The following GALNT13 variants were observed in gnomAD, a reference collection of about 807,000 sequenced individuals.
GALNT13 encodes UDP-GalNAc:polypeptide N-acetylgalactosaminyltransferase 13.
Under a neutral mutation model 64.2 loss-of-function variants are expected in GALNT13, and 28 were observed. The observed-to-expected ratio is 0.44, with a 90% CI of 0.32 to 0.60. The LOEUF (loss-of-function observed/expected upper bound fraction) is 0.60, where lower values mean the gene tolerates loss of function less well. Among genes scored for constraint, GALNT13 ranks in the 20% least tolerant of loss-of-function variants. GALNT13 has a pLI of 0.05. For synonymous variants in GALNT13, 214 were observed against 224.6 expected, an observed-to-expected ratio of 0.95 and a Z score of 0.42; for missense variants, 577 against 669.8, an observed-to-expected ratio of 0.86 and a Z score of 1.53.
Position 154,032,469 on chromosome 2 carries a change from C to T in GALNT13, c.142+87830C>T, listed in dbSNP as rs181061305. On this transcript the variant is annotated intron_variant, in intron 3 of 12. Transcript: ENST00000392825. ...CATCACCAAGAAAAGAAATTGCCAA[C>T]CAACACACCAATACCTCTCATGAAT... is the stretch of plus-strand genomic sequence containing the variant. 1.0e-3 allele frequency among the ~76,000 whole-genome samples: 155 copies of T among 151,792 alleles called. 1 individual carries two copies. Among genetic ancestry groups the T allele is most frequent in the African/African-American group, 3.5e-3 (146 of 41,442 alleles).
At chr2:154,009,501 C>CTT (rs34094447) in intron 3 of GALNT13, among the ~76,000 whole-genome samples, 1,616 of 142,304 alleles carry the variant, frequency 0.011, 39 homozygotes, top group African/African-American at 0.035. Flanking sequence ...GGTGTTATGG[C>CTT]TTTTTTTTTT....
the GALNT13 span, among the ~76,000 whole-genome samples, chr2:153,220,603 T>C: frequency 6.6e-6 from 1 of 152,166 alleles, no homozygotes; most frequent in African/African-American, 2.4e-5. Context: ...CCAGCATATA[T>C]AATCCTAGGT....
chr2:154,384,923 T>A (rs1454301009), intron 9 of GALNT13, among the ~76,000 whole-genome samples: 3 of 151,890 alleles, frequency 2.0e-5, no homozygotes, highest in Non-Finnish European at 4.4e-5. Flanking sequence ...CATTAAAATG[T>A]CCCCTAATTT....
intron 4 of GALNT13, among the ~76,000 whole-genome samples, chr2:154,236,563 T>G (rs1201021053): frequency 3.9e-5 from 6 of 152,102 alleles, no homozygotes; most frequent in Admixed American, 2.0e-4. Context: ...CATGTCAATA[T>G]AGTGTTAACT....
the GALNT13 span, among the ~76,000 whole-genome samples, chr2:153,076,937 T>G: frequency 6.6e-6 from 1 of 151,604 alleles, no homozygotes; most frequent in Non-Finnish European, 1.5e-5. Context: ...GCCCTTTTAT[T>G]TATTTTAAAA....
At chr2:153,437,246 C>G in the GALNT13 span, among the ~76,000 whole-genome samples, 377 of 151,692 alleles carry the variant, frequency 2.5e-3, 1 homozygote, top group Non-Finnish European at 2.3e-3. Context: ...TTACTTCCAA[C>G]TATGTGGTCA....
upstream of GALNT13, among the ~76,000 whole-genome samples, chr2:153,870,655 G>T (rs1049428599): frequency 1.3e-5 from 2 of 151,462 alleles, no homozygotes; most frequent in Non-Finnish European, 2.9e-5. Flanking sequence ...AAATTTAAAT[G>T]ATACTTGACT....
At chr2:154,170,382 C>T (rs1685282515) in intron 4 of GALNT13, among the ~76,000 whole-genome samples, 1 of 152,072 alleles carries the variant, frequency 6.6e-6, no homozygotes. Context: ...AACCATCACA[C>T]CCACCAAAAC....
the GALNT13 span, among the ~76,000 whole-genome samples, chr2:153,604,270 T>C: frequency 6.6e-6 from 1 of 152,016 alleles, no homozygotes. Context: ...CAGTATCCCA[T>C]CTCTTTGAAA....
At chr2:153,548,275 C>G in the GALNT13 span, among the ~76,000 whole-genome samples, 2 of 152,052 alleles carry the variant, frequency 1.3e-5, no homozygotes, top group Admixed American at 6.6e-5. Flanking sequence ...TGATCTGCTC[C>G]GTGGATCATA....
At chr2:154,090,413 T>C (rs1451218852) in intron 3 of GALNT13, among the ~76,000 whole-genome samples, 1 of 152,080 alleles carries the variant, frequency 6.6e-6, no homozygotes, top group Non-Finnish European at 1.5e-5. Context: ...ATTGTTCTAA[T>C]AGAAATTGCT....
the GALNT13 span, among the ~76,000 whole-genome samples, chr2:153,458,307 C>T: frequency 1.6e-3 from 246 of 152,144 alleles, 2 homozygotes; most frequent in African/African-American, 5.8e-3. Context: ...CTACCTCAGC[C>T]GACATCTGTG....
At chr2:153,928,434 T>G (rs1237139899) in intron 2 of GALNT13, among the ~76,000 whole-genome samples, 1 of 152,166 alleles carries the variant, frequency 6.6e-6, no homozygotes, top group Non-Finnish European at 1.5e-5. Context: ...AGCTAGCTGA[T>G]AGATGTCTAC....
At chr2:153,241,830 T>G in the GALNT13 span, among the ~76,000 whole-genome samples, 4 of 151,864 alleles carry the variant, frequency 2.6e-5, no homozygotes, top group Admixed American at 6.6e-5. Flanking sequence ...CTTTCTGTAA[T>G]GGGGAGAGGG....
chr2:153,684,516 A>G, the GALNT13 span, among the ~76,000 whole-genome samples: 1 of 151,736 alleles, frequency 6.6e-6, no homozygotes, highest in Non-Finnish European at 1.5e-5. Context: ...GCCATGGGCA[A>G]TGGTGTCAGG....
intron 3 of GALNT13, among the ~76,000 whole-genome samples, chr2:154,048,901 A>T (rs1699424174): frequency 6.6e-6 from 1 of 152,122 alleles, no homozygotes; most frequent in Non-Finnish European, 1.5e-5. Context: ...AAGTATATGG[A>T]TAATTTTTAA....
chr2:153,948,354 CAT>C (rs1378613010), intron 3 of GALNT13, among the ~76,000 whole-genome samples: 2 of 151,864 alleles, frequency 1.3e-5, no homozygotes, highest in African/African-American at 2.4e-5. Flanking sequence ...CAAAAAATAA[CAT>C]ATGCTGGCAA....
At chr2:153,411,507 A>G in the GALNT13 span, among the ~76,000 whole-genome samples, 8 of 152,274 alleles carry the variant, frequency 5.3e-5, no homozygotes, top group East Asian at 1.6e-3. Context: ...AGATGTATGC[A>G]TGAGAATGTA....
At chr2:153,120,601 A>G in the GALNT13 span, among the ~76,000 whole-genome samples, 2 of 152,214 alleles carry the variant, frequency 1.3e-5, no homozygotes, top group Non-Finnish European at 2.9e-5. Flanking sequence ...ATGATCAAAT[A>G]TACTTCCTTT....
Sources: allele counts gnomAD v4.1 joint callset (sites outside exome capture counted in the v4.1 genomes callset), GRCh38; gene constraint gnomAD v4.1.1; transcripts MANE v1.5; gene names NCBI Gene and HGNC (gene_info 2026-07-23, HGNC 2026-07-21).